KCND3: variants seen among roughly 807,000 people sequenced by gnomAD.
The protein encoded by KCND3 is potassium voltage-gated channel subfamily D member 3.
A neutral mutation model predicts 51.1 loss-of-function variants in KCND3; 9 were observed. The ratio of observed to expected loss-of-function variants is 0.18; its 90% CI spans 0.11 to 0.31. KCND3 has a LOEUF of 0.31. Ranked by LOEUF, KCND3 falls within the 10% of genes least tolerant of loss-of-function variation. The pLI is 1.00. For missense variants in KCND3, 526 were observed against 903.8 expected, an observed-to-expected ratio of 0.58 and a Z score of 5.36; for synonymous variants, 349 against 368.0, an observed-to-expected ratio of 0.95 and a Z score of 0.59.
rs925278236 is a variant in KCND3, at chr1:111,777,041, G to A, written c.1751C>T (p.Pro584Leu). The A allele has an allele frequency of 1.9e-6, 3 of 1,613,524 alleles. No individual in the cohort carries two copies. Among genetic ancestry groups the A allele is most frequent in the Non-Finnish European group, 8.5e-7 (1 of 1,179,870 alleles). Residue 584 changes from proline to leucine, a missense_variant, in exon 7 of 8, where the codon CCC (proline) becomes CTC (leucine). This residue lies in a region of KCND3 where 266 missense variants were observed against 305.5 expected (regional missense o/e 0.87). Coordinates refer to ENST00000302127, the MANE Select transcript of KCND3 (RefSeq NM_001378969.1). ...STIHIQGSEQ[P>L]SLTTSRSSLN... ...AGCCACCCACCTGGTTGTGAGGGAG[G>A]GCTGCTCACTGCCCTGGATGTGGAT...
chr1:111,804,307 C>T (rs1665461242), intron 2 of KCND3, among the ~76,000 whole-genome samples: 4 of 152,252 alleles, frequency 2.6e-5, no homozygotes, highest in Admixed American at 2.6e-4. Context: ...TCTAATCAGG[C>T]AGGAAAGAGG....
rs1001873364 is a variant in KCND3, at chr1:111,981,074, C to T, written c.1106+547G>A. The stretch of plus-strand genomic sequence containing the variant: ...CTTAGAGAAAGTCTGCTCAGAGCTA[C>T]TGAACGCTTGAGTGTCTGTGGCAGC... On this transcript the variant is annotated intron_variant, in intron 2 of 7. Transcript: ENST00000302127. This position sits in a 1 kb window ranked among gnomAD's most constrained non-coding sequence, Gnocchi z 6.2. Among the ~76,000 whole-genome samples, 1 of 152,204 alleles carries T rather than the reference C, an allele frequency of 6.6e-6. No homozygotes were observed. Among genetic ancestry groups the T allele is most frequent in the Non-Finnish European group, 1.5e-5 (1 of 68,044 alleles).
intron 2 of KCND3, among the ~76,000 whole-genome samples, chr1:111,980,154 T>C (rs1049859207): frequency 6.0e-5 from 9 of 150,742 alleles, no homozygotes; most frequent in Non-Finnish European, 1.0e-4. Context: ...AGAAACAAGG[T>C]CAAATGACCA....
At chr1:111,895,511 C>T (rs1042979327) in intron 2 of KCND3, among the ~76,000 whole-genome samples, 3 of 152,214 alleles carry the variant, frequency 2.0e-5, no homozygotes, top group African/African-American at 7.2e-5. Context: ...TTAATGACAG[C>T]CCGTGTGGGA....
rs1663905919 is a variant in KCND3, at chr1:111,771,489, C to G, written c.*4588G>C. The G allele has an allele frequency of 6.6e-6, 1 of 152,150 alleles. No homozygotes were observed. The highest frequency in any genetic ancestry group is 2.1e-4 in the South Asian group (1 of 4,826). The allele number at this position is 152,150 out of a possible 1,614,324, so 9.4% of individuals were successfully genotyped here. ...TGGGATATTTTTGCCTTATAGTTAC[C>G]TGGTAATTGAAGTGGGAGACTGGAA... On this transcript the variant is annotated 3_prime_UTR_variant, in exon 8 of 8. Transcript: ENST00000302127.
chr1:111,854,338 G>A (rs1667957103), intron 2 of KCND3, among the ~76,000 whole-genome samples: 1 of 152,224 alleles, frequency 6.6e-6, no homozygotes, highest in Non-Finnish European at 1.5e-5. Flanking sequence ...TTTAATTTGT[G>A]AAATCTGGCA....
chr1:111,924,171 C>G (rs1178391912), intron 2 of KCND3, among the ~76,000 whole-genome samples: 1 of 152,368 alleles, frequency 6.6e-6, no homozygotes, highest in Non-Finnish European at 1.5e-5. Context: ...GCGTGCCAGG[C>G]ACTGAGTGTG....
chr1:111,867,519 A>G (rs1668633881), intron 2 of KCND3, among the ~76,000 whole-genome samples: 1 of 152,156 alleles, frequency 6.6e-6, no homozygotes, highest in Admixed American at 6.5e-5. Context: ...ATGCTTTTAG[A>G]GCATCCCTTT....
At chr1:111,832,516 T>A (rs1379684555) in intron 2 of KCND3, among the ~76,000 whole-genome samples, 1 of 152,288 alleles carries the variant, frequency 6.6e-6, no homozygotes, top group East Asian at 1.9e-4. Flanking sequence ...TTCCTTTTTT[T>A]CTGAAAACAT....
intron 2 of KCND3, among the ~76,000 whole-genome samples, chr1:111,882,606 G>A (rs1487903208): frequency 6.6e-6 from 1 of 152,226 alleles, no homozygotes; most frequent in Non-Finnish European, 1.5e-5. Flanking sequence ...ACTGAGGCTG[G>A]CTTCTGAGGT....
chr1:111,923,777 C>T (rs187538099), intron 2 of KCND3, among the ~76,000 whole-genome samples: 32 of 152,338 alleles, frequency 2.1e-4, no homozygotes, highest in Admixed American at 2.0e-4. Flanking sequence ...GCAGGGGCTT[C>T]GTGCACAGGG....
At chr1:111,884,945 C>T (rs575777301) in intron 2 of KCND3, among the ~76,000 whole-genome samples, 64 of 152,206 alleles carry the variant, frequency 4.2e-4, no homozygotes, top group African/African-American at 1.4e-3. Flanking sequence ...GTGAAATGTT[C>T]AGCAGCACCC....
At chr1:111,932,961 G>A (rs1273229906) in intron 2 of KCND3, among the ~76,000 whole-genome samples, 4 of 152,160 alleles carry the variant, frequency 2.6e-5, no homozygotes, top group African/African-American at 9.7e-5. Context: ...GTACTGACAT[G>A]GTTTGGCTGT....
intron 2 of KCND3, among the ~76,000 whole-genome samples, chr1:111,811,303 T>C (rs906090533): frequency 1.3e-5 from 2 of 152,216 alleles, no homozygotes; most frequent in Non-Finnish European, 2.9e-5. Flanking sequence ...ACATTGTCTC[T>C]GTGTCCTGTG....
At chr1:111,902,076 C>T (rs1053027824) in intron 2 of KCND3, among the ~76,000 whole-genome samples, 8 of 152,188 alleles carry the variant, frequency 5.3e-5, no homozygotes, top group Non-Finnish European at 8.8e-5. Context: ...GAGCCCCCTC[C>T]GGCCTCACTC....
intron 2 of KCND3, among the ~76,000 whole-genome samples, chr1:111,818,645 G>C (rs954691326): frequency 3.3e-5 from 5 of 152,212 alleles, no homozygotes; most frequent in Admixed American, 6.5e-5. Context: ...CTTCCTGAGT[G>C]GGGGTGACAC....
Position 111,775,570 on chromosome 1 carries a change from G to C in KCND3, c.*507C>G, listed in dbSNP as rs1664069817. The C allele has an allele frequency of 5.9e-6, 1 of 168,590 alleles. No individual in the cohort carries two copies. Among genetic ancestry groups the C allele is most frequent in the Non-Finnish European group, 1.3e-5 (1 of 76,194 alleles). The allele number at this position is 168,590 out of a possible 1,614,324, so 10.4% of individuals were successfully genotyped here. The stretch of plus-strand genomic sequence containing the variant: ...GAAAAACATTTCACAAAAATCCGTT[G>C]GTGTTTTTGTTTTCCACCTTTTCCC... On this transcript the variant is annotated 3_prime_UTR_variant, in exon 8 of 8. Coordinates refer to ENST00000302127, the MANE Select transcript of KCND3 (RefSeq NM_001378969.1).
intron 2 of KCND3, among the ~76,000 whole-genome samples, chr1:111,938,191 G>C (rs577334619): frequency 2.6e-5 from 4 of 152,196 alleles, no homozygotes; most frequent in Non-Finnish European, 4.4e-5. Flanking sequence ...TTTACAGACA[G>C]TGACATCCAG....
chr1:111,880,605 G>A (rs564409699), intron 2 of KCND3, among the ~76,000 whole-genome samples: 5 of 152,220 alleles, frequency 3.3e-5, no homozygotes, highest in Admixed American at 6.5e-5. Flanking sequence ...ATATAAATAC[G>A]GTTTAGGAGC....
Sources: gnomAD v4.1 joint callset for allele counts (sites outside exome capture counted in the v4.1 genomes callset) on GRCh38, gnomAD v4.1.1 for gene constraint, gnomAD v4.1.1 regional missense constraint, Gnocchi (gnomAD v3.1) non-coding constraint, MANE v1.5 for transcripts, NCBI Gene and HGNC (gene_info 2026-07-23, HGNC 2026-07-21) for gene names.